GRM7: variants seen among roughly 807,000 people sequenced by gnomAD.
GRM7 encodes the protein glutamate metabotropic receptor 7, also known as metabotropic glutamate receptor 7.
GRM7 carries 35 observed loss-of-function variants against 84.5 expected under a neutral mutation model. The ratio of observed to expected loss-of-function variants is 0.41; its 90% CI spans 0.32 to 0.55. The LOEUF (loss-of-function observed/expected upper bound fraction) is 0.55. GRM7 is among the 20% of genes least tolerant of loss of function. The pLI is 0.19. For missense variants in GRM7, 1,003 were observed against 1,194.6 expected (o/e 0.84, Z 2.36); for synonymous variants, 487 against 455.1 (o/e 1.07, Z -0.89).
At chr3:7,381,494 T>G (rs1694589648) in intron 4 of GRM7, among the ~76,000 whole-genome samples, 1 of 152,170 alleles carries the variant, frequency 6.6e-6, no homozygotes, top group African/African-American at 2.4e-5. Context: ...ATTAAACATT[T>G]ATACTAAGGT....
chr3:7,092,441 T>G (rs1482810982), intron 1 of GRM7, among the ~76,000 whole-genome samples: 1 of 152,228 alleles, frequency 6.6e-6, no homozygotes, highest in East Asian at 1.9e-4. Flanking sequence ...AATCATTTTG[T>G]ACCTCAGTTT....
At chr3:7,725,949 A>G (rs1377746142) in intron 9 of GRM7, among the ~76,000 whole-genome samples, 2 of 152,204 alleles carry the variant, frequency 1.3e-5, no homozygotes, top group African/African-American at 4.8e-5. Context: ...GGTGTATTCA[A>G]CATATGAATG....
At chr3:7,030,332 TG>T (rs2124926256) in intron 1 of GRM7, among the ~76,000 whole-genome samples, 1 of 152,258 alleles carries the variant, frequency 6.6e-6, no homozygotes, top group South Asian at 2.1e-4. Context: ...ACATAAGACA[TG>T]GTGGGTTGTG....
chr3:7,110,567 C>A (rs921860059), intron 1 of GRM7, among the ~76,000 whole-genome samples: 3 of 150,556 alleles, frequency 2.0e-5, no homozygotes, highest in Admixed American at 6.7e-5. Context: ...TATACTCCAA[C>A]CTGGGCAAGA....
At chr3:7,477,057 G>C (rs955004984) in intron 7 of GRM7, among the ~76,000 whole-genome samples, 1 of 152,180 alleles carries the variant, frequency 6.6e-6, no homozygotes, top group Admixed American at 6.5e-5. Context: ...GCCTAGCAAA[G>C]TGTTAGACAT....
At chr3:6,999,895 A>G (rs1463420099) in intron 1 of GRM7, among the ~76,000 whole-genome samples, 2 of 152,210 alleles carry the variant, frequency 1.3e-5, no homozygotes, top group African/African-American at 4.8e-5. Context: ...TTGTGTGGGG[A>G]CACAGCCAAA....
At chr3:6,891,651 TG>T (rs1257882001) in intron 1 of GRM7, among the ~76,000 whole-genome samples, 5 of 152,228 alleles carry the variant, frequency 3.3e-5, no homozygotes, top group African/African-American at 1.2e-4. Context: ...CCTTTCTCTC[TG>T]GCTGCCCTTA....
intron 2 of GRM7, among the ~76,000 whole-genome samples, chr3:7,296,879 G>C (rs1229740639): frequency 6.6e-6 from 1 of 151,132 alleles, no homozygotes. Flanking sequence ...CAACTCGTGG[G>C]CTTAAGTGAC....
At chr3:7,305,259 T>C (rs1256849319) in intron 3 of GRM7, among the ~76,000 whole-genome samples, 4 of 152,162 alleles carry the variant, frequency 2.6e-5, no homozygotes, top group Non-Finnish European at 5.9e-5. Context: ...GGTGTTTTTT[T>C]GTTACCATCT....
At chr3:7,286,096 C>A (rs146725555) in intron 2 of GRM7, among the ~76,000 whole-genome samples, 2,511 of 152,300 alleles carry the variant, frequency 0.016, 29 homozygotes, top group Non-Finnish European at 0.027. Flanking sequence ...TGAGAAGAAA[C>A]CTGTACTTTC....
At chr3:7,323,662 A>G (rs183572859) in intron 4 of GRM7, among the ~76,000 whole-genome samples, 1 of 150,230 alleles carries the variant, frequency 6.7e-6, no homozygotes, top group East Asian at 1.9e-4. Flanking sequence ...AGAAAAATAC[A>G]AAAAACTAAT....
rs1693867907 is a variant in GRM7, at chr3:7,139,238, A to G, written c.520-7214A>G. Among the ~76,000 whole-genome samples the G allele has an allele frequency of 2.6e-5, 4 of 151,576 alleles. No individual in the cohort carries two copies. In the South Asian group the frequency reaches 8.3e-4, roughly 31 times the overall value. ...CACAGAGATTTGGACGTTTTGTCAT[A>G]TTTTCTTTTTACGGTACTGAACACC... On this transcript the variant is annotated intron_variant, in intron 1 of 9. Coordinates refer to ENST00000357716, the MANE Select transcript of GRM7 (RefSeq NM_000844.4).
chr3:7,411,808 T>G (rs1240149019), intron 4 of GRM7, among the ~76,000 whole-genome samples: 1 of 152,228 alleles, frequency 6.6e-6, no homozygotes, highest in Non-Finnish European at 1.5e-5. Flanking sequence ...CTCTAGTGCA[T>G]GTACCTAGCA....
At chr3:6,921,610 T>C (rs1042925508) in intron 1 of GRM7, among the ~76,000 whole-genome samples, 3 of 152,108 alleles carry the variant, frequency 2.0e-5, no homozygotes, top group African/African-American at 7.2e-5. Flanking sequence ...CTATCTAGTA[T>C]TCCTTCACAA....
chr3:7,226,803 T>G (rs192125281), intron 2 of GRM7, among the ~76,000 whole-genome samples: 2 of 152,336 alleles, frequency 1.3e-5, no homozygotes, highest in East Asian at 3.9e-4. Context: ...TGTGTTACAC[T>G]CCATAGTCGG....
Position 7,158,674 on chromosome 3 carries a change from T to C in GRM7, c.736+12006T>C, listed in dbSNP as rs577585388. On this transcript the variant is annotated intron_variant, in intron 2 of 9. Coordinates refer to ENST00000357716, the MANE Select transcript of GRM7 (RefSeq NM_000844.4). ...TCCCAGTCCAGGTGCTGATCAGAGCTTATAATACAGTCCCATGGAAATATT... is the reference window on the plus strand; with the variant it reads ...TCCCAGTCCAGGTGCTGATCAGAGCCTATAATACAGTCCCATGGAAATATT... Among the ~76,000 whole-genome samples the C allele has an allele frequency of 5.1e-4, 77 of 152,288 alleles. 1 individual carries two copies. The South Asian group carries it at 0.015, about 29-fold the overall frequency.
At chr3:7,474,697 A>G (rs1315191515) in intron 7 of GRM7, among the ~76,000 whole-genome samples, 1 of 152,168 alleles carries the variant, frequency 6.6e-6, no homozygotes, top group African/African-American at 2.4e-5. Context: ...AAAATGTAGT[A>G]TCTGTCCTGC....
intron 2 of GRM7, among the ~76,000 whole-genome samples, chr3:7,211,456 C>T (rs902102763): frequency 4.6e-5 from 7 of 152,076 alleles, no homozygotes; most frequent in Non-Finnish European, 8.8e-5. Flanking sequence ...TCTAGGGTTC[C>T]TGAGTGGGAG....
Position 6,945,265 on chromosome 3 carries a change from A to C in GRM7, c.519+83358A>C, listed in dbSNP as rs199516202. On this transcript the variant is annotated intron_variant, in intron 1 of 9. Coordinates refer to ENST00000357716, the MANE Select transcript of GRM7 (RefSeq NM_000844.4). ...GTGTGATGTTCCCCTTCCTGTGTCC[A>C]TGTGTTCTCATTGTTCAATTCCCAT... Among the ~76,000 whole-genome samples, 6 of 124,082 alleles carry C rather than the reference A, an allele frequency of 4.8e-5. No homozygotes were observed. In the East Asian group the frequency reaches 1.2e-3, roughly 25 times the overall value. 81.4% of individuals were successfully genotyped at this position (124,082 alleles called of 152,430 possible).
Sources: allele counts gnomAD v4.1 joint callset (sites outside exome capture counted in the v4.1 genomes callset), GRCh38; gene constraint gnomAD v4.1.1; transcripts MANE v1.5; gene names NCBI Gene and HGNC (gene_info 2026-07-23, HGNC 2026-07-21).